The following PIP4K2A variants were observed in gnomAD, a reference collection of about 807,000 sequenced individuals.
The protein encoded by PIP4K2A is phosphatidylinositol-5-phosphate 4-kinase type 2 alpha.
PIP4K2A carries 14 observed loss-of-function variants against 42.9 expected under a neutral mutation model. The observed-to-expected ratio is 0.33, with a 90% CI of 0.22 to 0.51. The LOEUF (loss-of-function observed/expected upper bound fraction) is 0.51. Ranked by LOEUF, PIP4K2A falls within the 20% of genes least tolerant of loss-of-function variation. The pLI is 0.97. For synonymous variants in PIP4K2A, 192 were observed against 192.2 expected (o/e 1.00, Z 0.01); for missense variants, 434 against 519.8 (o/e 0.83, Z 1.61).
intron 1 of PIP4K2A, among the ~76,000 whole-genome samples, chr10:22,615,922 G>C (rs1263094547): frequency 6.6e-6 from 1 of 151,962 alleles, no homozygotes; most frequent in Non-Finnish European, 1.5e-5. Context: ...GGGCATCCTG[G>C]GAGCGACTTC....
At chr10:22,700,719 G>A (rs1003873448) in intron 1 of PIP4K2A, among the ~76,000 whole-genome samples, 8 of 152,104 alleles carry the variant, frequency 5.3e-5, no homozygotes, top group East Asian at 1.9e-4. Flanking sequence ...GGTCATTCTC[G>A]GGTTGACTAA....
At chr10:22,641,188 AC>A (rs1392628835) in intron 1 of PIP4K2A, among the ~76,000 whole-genome samples, 4 of 151,932 alleles carry the variant, frequency 2.6e-5, no homozygotes, top group Non-Finnish European at 5.9e-5. Context: ...ACCTAATCTA[AC>A]CCCCTCATTT....
At chr10:22,637,091 G>T (rs751122605) in intron 1 of PIP4K2A, among the ~76,000 whole-genome samples, 10 of 152,222 alleles carry the variant, frequency 6.6e-5, no homozygotes, top group Non-Finnish European at 1.2e-4. Flanking sequence ...AAAGATGGAG[G>T]CAATGTATGT....
chr10:22,601,130 C>CAAAAA (rs1188396077), intron 3 of PIP4K2A, among the ~76,000 whole-genome samples: 338 of 31,908 alleles, frequency 0.011, 73 homozygotes, highest in Non-Finnish European at 0.02. Flanking sequence ...GAGACTGTCT[C>CAAAAA]AAAAAAAAAA....
intron 1 of PIP4K2A, among the ~76,000 whole-genome samples, chr10:22,639,407 A>G (rs1838733039): frequency 6.6e-6 from 1 of 151,996 alleles, no homozygotes; most frequent in African/African-American, 2.4e-5. Context: ...GAGACACAAA[A>G]CAAATATAGT....
chr10:22,603,322 C>T (rs931662216), intron 3 of PIP4K2A, among the ~76,000 whole-genome samples: 1 of 152,132 alleles, frequency 6.6e-6, no homozygotes, highest in Non-Finnish European at 1.5e-5. Context: ...CAGCTCCCTC[C>T]TGCATAACTT....
intron 1 of PIP4K2A, among the ~76,000 whole-genome samples, chr10:22,687,260 A>G (rs2130892329): frequency 6.6e-6 from 1 of 152,280 alleles, no homozygotes; most frequent in Middle Eastern, 3.4e-3. Flanking sequence ...TGTTAAGTGA[A>G]ATACGCCAGG....
intron 6 of PIP4K2A, among the ~76,000 whole-genome samples, chr10:22,563,388 T>C (rs1836758961): frequency 6.6e-6 from 1 of 152,260 alleles, no homozygotes; most frequent in Admixed American, 6.5e-5. Context: ...TCTGAAAGTA[T>C]GAGCGAAAAT....
At position 22,695,866 on chromosome 10, in the gene PIP4K2A, C is replaced by T. The variant is rs533277012; in HGVS notation, c.144+18317G>A. Among the ~76,000 whole-genome samples, 15 of 152,020 alleles carry T rather than the reference C, an allele frequency of 9.9e-5. No individual in the cohort carries two copies. The South Asian group carries it at 1.2e-3, about 13-fold the overall frequency. ...TTTCATTTTTTTCCTTTAATATTTT[C>T]GACCCGTGGTTGGTTGAATCTGAAG... On this transcript the variant is annotated intron_variant, in intron 1 of 9. Coordinates refer to ENST00000376573, the MANE Select transcript of PIP4K2A (RefSeq NM_005028.5).
At chr10:22,701,302 C>T (rs1345540514) in intron 1 of PIP4K2A, among the ~76,000 whole-genome samples, 1 of 152,188 alleles carries the variant, frequency 6.6e-6, no homozygotes, top group East Asian at 1.9e-4. Flanking sequence ...TGTTACCTAA[C>T]AGTCACCAAA....
intron 5 of PIP4K2A, chr10:22,569,046 A>C (rs1382494322): frequency 6.5e-7 from 1 of 1,535,184 alleles, no homozygotes; most frequent in Non-Finnish European, 8.7e-7. Context: ...TGGCTTTTAG[A>C]TTGGCCATCT....
intron 1 of PIP4K2A, among the ~76,000 whole-genome samples, chr10:22,710,997 G>A (rs935416971): frequency 3.9e-5 from 6 of 152,106 alleles, no homozygotes; most frequent in Non-Finnish European, 8.8e-5. Context: ...ATCTTAAGAC[G>A]CTTACTGTTT....
intron 3 of PIP4K2A, 112 bp from the exon 4 acceptor site, chr10:22,591,893 G>T: frequency 1.1e-6 from 1 of 906,698 alleles, no homozygotes. Context: ...AAAAACATTT[G>T]TGTGTGGGAT....
At chr10:22,569,085 G>A in intron 5 of PIP4K2A, 1 of 1,500,298 alleles carries the variant, frequency 6.7e-7, no homozygotes, top group Non-Finnish European at 9.0e-7. Flanking sequence ...TTGATTACTG[G>A]CTTTCATCGA....
chr10:22,562,790 A>G (rs1836744356), intron 6 of PIP4K2A, among the ~76,000 whole-genome samples: 1 of 152,018 alleles, frequency 6.6e-6, no homozygotes, highest in South Asian at 2.1e-4. Flanking sequence ...CCTTCCAGGG[A>G]GGATTCCCAA....
rs1836392383 is a variant in PIP4K2A, at chr10:22,550,792, C to T, written c.679-20G>A. 2 of 1,437,618 alleles carry T rather than the reference C, an allele frequency of 1.4e-6. No individual in the cohort carries two copies. The highest frequency in any genetic ancestry group is 2.0e-6 in the Non-Finnish European group (2 of 1,021,168). The allele number at this position is 1,437,618 out of a possible 1,614,324, so 89.1% of individuals were successfully genotyped here. A position where few individuals can be genotyped will look rare whatever the true frequency, so the allele number is the denominator to read the frequency against. The stretch of plus-strand genomic sequence containing the variant: ...TTTGGCCTAAAACAAATGAGAAAAA[C>T]AATGACAAAGGCGCTTGAAGAAAAC... On this transcript the variant is annotated intron_variant, in intron 6 of 9. Transcript: ENST00000376573.
intron 6 of PIP4K2A, among the ~76,000 whole-genome samples, chr10:22,554,853 T>A (rs1836495807): frequency 6.6e-6 from 1 of 152,124 alleles, no homozygotes; most frequent in Admixed American, 6.5e-5. Context: ...CCTGCCCGGG[T>A]CGGGGGCCCC....
chr10:22,624,399 T>G, intron 1 of PIP4K2A, among the ~76,000 whole-genome samples: 1 of 152,224 alleles, frequency 6.6e-6, no homozygotes. Flanking sequence ...ATTTGAAGAC[T>G]CAAGGATTAG....
chr10:22,554,987 G>A (rs1391143552), intron 6 of PIP4K2A, among the ~76,000 whole-genome samples: 5 of 152,224 alleles, frequency 3.3e-5, no homozygotes, highest in Non-Finnish European at 7.3e-5. Context: ...CGGTGGGTTG[G>A]ATTCCAAGTG....
Sources: gnomAD v4.1 joint callset for allele counts (sites outside exome capture counted in the v4.1 genomes callset) on GRCh38, gnomAD v4.1.1 for gene constraint, MANE v1.5 for transcripts, NCBI Gene and HGNC (gene_info 2026-07-23, HGNC 2026-07-21) for gene names.